The following ZNF716 variants were observed in gnomAD, a reference collection of about 807,000 sequenced individuals.
ZNF716 encodes zinc finger protein 716.
ZNF716 carries 9 observed loss-of-function variants against 13.4 expected under a neutral mutation model. The ratio of observed to expected loss-of-function variants is 0.67; its 90% CI spans 0.41 to 1.18. The LOEUF (loss-of-function observed/expected upper bound fraction) is 1.18. ZNF716 is among the 50% of genes most tolerant of loss of function. The pLI, the probability that ZNF716 is intolerant of heterozygous loss-of-function variation, is 0.01. For synonymous variants in ZNF716, 186 were observed against 195.2 expected, an observed-to-expected ratio of 0.95 and a Z score of 0.39; for missense variants, 581 against 576.6, an observed-to-expected ratio of 1.01 and a Z score of -0.08.
chr7:57,469,704 A>T lies in ZNF716; in HGVS notation c.1243A>T (p.Lys415Ter). The change falls in exon 4 of 4, where the codon AAA becomes TAA. Residue 415 changes from lysine to a stop codon, truncating the protein, a stop_gained. Coordinates refer to ENST00000420713, the MANE Select transcript of ZNF716 (RefSeq NM_001159279.1). LOFTEE classifies it low-confidence loss of function (END_TRUNC). ...EKPYKCEECG[K>*]AFNCSSTLKK... is the part of the protein sequence containing the mutation. The stretch of plus-strand genomic sequence containing the variant: ...ACCCTACAAATGTGAAGAATGTGGC[A>T]AAGCCTTTAACTGCTCCTCAACCCT... The T allele has an allele frequency of 6.2e-7, 1 of 1,611,482 alleles. No individual in the cohort carries two copies. The highest frequency in any genetic ancestry group is 8.5e-7 in the Non-Finnish European group (1 of 1,178,024).
chr7:57,469,567 C>T lies in ZNF716; in HGVS notation c.1106C>T (p.Thr369Ile). The T allele has an allele frequency of 1.9e-6, 3 of 1,605,988 alleles. No individual in the cohort carries two copies. Among genetic ancestry groups the T allele is most frequent in the Non-Finnish European group, 2.5e-6 (3 of 1,177,524 alleles). ...KAFTFSSTLN[T>I]HKRIHTGEKP... ...TTTACCTTCTCCTCAACTCTAAATACTCATAAGAGGATTCATACTGGAGAG... is the reference window on the plus strand; with the variant it reads ...TTTACCTTCTCCTCAACTCTAAATATTCATAAGAGGATTCATACTGGAGAG... The change falls in exon 4 of 4, where the codon ACT (threonine) becomes ATT (isoleucine). Residue 369 changes from threonine (T) to isoleucine (I), a missense_variant. Coordinates refer to ENST00000420713, the MANE Select transcript of ZNF716 (RefSeq NM_001159279.1).
Position 57,469,552 on chromosome 7 carries a change from C to T in ZNF716, c.1091C>T (p.Ser364Phe). The change falls in exon 4 of 4, where the codon TCC becomes TTC. Residue 364 changes from serine (S) to phenylalanine (F), a missense_variant. Transcript: ENST00000420713. Reference protein sequence around the residue: ...CEECGKAFTFSSTLNTHKRIH... With the variant: ...CEECGKAFTFFSTLNTHKRIH... ...GAATGTGGGAAAGCCTTTACCTTCT[C>T]CTCAACTCTAAATACTCATAAGAGG... 1 of 1,611,152 alleles carries T rather than the reference C, an allele frequency of 6.2e-7. No homozygotes were observed. Among genetic ancestry groups the T allele is most frequent in the South Asian group, 1.1e-5 (1 of 90,884 alleles).
chr7:57,470,103 T>C lies in ZNF716; in HGVS notation c.*154T>C. On this transcript the variant is annotated 3_prime_UTR_variant, in exon 4 of 4. Transcript: ENST00000420713. ...TCATATTGGACAAAAGTCTTATAAA[T>C]GTAAAAAAAAAAGTAACAGCCTTTA... 3 of 767,746 alleles carry C rather than the reference T, an allele frequency of 3.9e-6. No homozygotes were observed. Among genetic ancestry groups the C allele is most frequent in the Middle Eastern group, 3.9e-4 (1 of 2,538 alleles). 47.6% of individuals were successfully genotyped at this position (767,746 alleles called of 1,614,324 possible). A position where few individuals can be genotyped will look rare whatever the true frequency, so the allele number is the denominator to read the frequency against.
rs782172633 is a variant in ZNF716 at position 57,450,242 on chromosome 7, G to A, written c.-47G>A. ...CACTGCTCTGCGTCCTCTGCTCCTGGAGGCCAAGCCTCTGTGGCCTTGTGT... is the reference window on the plus strand; with the variant it reads ...CACTGCTCTGCGTCCTCTGCTCCTGAAGGCCAAGCCTCTGTGGCCTTGTGT... On this transcript the variant is annotated 5_prime_UTR_variant, in exon 1 of 4. Coordinates refer to ENST00000420713, the MANE Select transcript of ZNF716 (RefSeq NM_001159279.1). 8.7e-6 allele frequency: 14 copies of A among 1,612,974 alleles called. No individual in the cohort carries two copies. Among genetic ancestry groups the A allele is most frequent in the Non-Finnish European group, 1.1e-5 (13 of 1,179,390 alleles).
Position 57,470,962 on chromosome 7 carries a change from C to G in ZNF716, c.*1013C>G, listed in dbSNP as rs782595152. The G allele has an allele frequency of 1.3e-5, 2 of 152,094 alleles. No homozygotes were observed. Among genetic ancestry groups the G allele is most frequent in the Non-Finnish European group, 2.9e-5 (2 of 68,042 alleles). The allele number at this position is 152,094 out of a possible 1,614,324, so 9.4% of individuals were successfully genotyped here. ...AAGATAATTTATACTGAAGAAAACT[C>G]AGGCAAATATGAAAAATGTGGCAAA... is the stretch of plus-strand genomic sequence containing the variant. On this transcript the variant is annotated 3_prime_UTR_variant, in exon 4 of 4. Transcript: ENST00000420713.
rs1330751083 is a variant in ZNF716, at chr7:57,470,048, G to A, written c.*99G>A. 11 of 1,161,902 alleles carry A rather than the reference G, an allele frequency of 9.5e-6. No individual in the cohort carries two copies. The African/African-American group carries it at 1.1e-4, about 12-fold the overall frequency. The allele number at this position is 1,161,902 out of a possible 1,614,324, so 72.0% of individuals were successfully genotyped here. ...GAGAATGTGGCCAATTCTTTAACCAGTTCCAAACCACTGCTGTCCATAAGA... is the reference window on the plus strand; with the variant it reads ...GAGAATGTGGCCAATTCTTTAACCAATTCCAAACCACTGCTGTCCATAAGA... On this transcript the variant is annotated 3_prime_UTR_variant, in exon 4 of 4. Transcript: ENST00000420713.
intron 3 of ZNF716, 77 bp from the exon 4 acceptor site, chr7:57,468,647 T>A: frequency 7.1e-7 from 1 of 1,418,032 alleles, no homozygotes; most frequent in East Asian, 2.4e-5. Context: ...CTTTGTATAA[T>A]TTTATATATT....
intron 3 of ZNF716, among the ~76,000 whole-genome samples, chr7:57,465,064 A>C (rs1460819350): frequency 6.6e-6 from 1 of 152,202 alleles, no homozygotes; most frequent in African/African-American, 2.4e-5. Context: ...ATAAAATTTA[A>C]AAATGTTAAA....
chr7:57,461,600 C>T (rs1789708943), intron 1 of ZNF716, among the ~76,000 whole-genome samples: 2 of 152,088 alleles, frequency 1.3e-5, no homozygotes, highest in African/African-American at 4.8e-5. Flanking sequence ...GCTTTATTTA[C>T]AGGTGAGAGA....
chr7:57,460,869 C>G (rs1223326843), intron 1 of ZNF716, among the ~76,000 whole-genome samples: 1 of 152,154 alleles, frequency 6.6e-6, no homozygotes, highest in African/African-American at 2.4e-5. Flanking sequence ...TTAGGAGATA[C>G]TTGCTCTCCA....
At chr7:57,451,594 C>T (rs1339959202) in intron 1 of ZNF716, among the ~76,000 whole-genome samples, 3 of 147,148 alleles carry the variant, frequency 2.0e-5, no homozygotes, top group African/African-American at 7.6e-5. Context: ...ATTACATGCA[C>T]CCGCCACCAT....
chr7:57,450,358 G>A (rs1184919843), intron 1 of ZNF716, 31 bp downstream of exon 1: 8 of 1,613,910 alleles, frequency 5.0e-6, no homozygotes, highest in Non-Finnish European at 6.8e-6. Flanking sequence ...CGTGAGAGAG[G>A]GGTGGGGGCT....
intron 1 of ZNF716, among the ~76,000 whole-genome samples, chr7:57,458,481 G>A (rs1248626334): frequency 2.0e-5 from 3 of 151,182 alleles, no homozygotes; most frequent in African/African-American, 7.3e-5. Flanking sequence ...GGAGTACAGT[G>A]GCACGATCTT....
intron 1 of ZNF716, among the ~76,000 whole-genome samples, chr7:57,451,752 T>C (rs560490331): frequency 6.9e-6 from 1 of 145,604 alleles, no homozygotes; most frequent in Admixed American, 7.0e-5. Flanking sequence ...CCAGCCTGCG[T>C]TTTTCAACTC....
chr7:57,460,146 G>A lies in ZNF716; in HGVS notation c.40-2314G>A, dbSNP rs189570135. Among the ~76,000 whole-genome samples, 1,387 of 152,186 alleles carry A rather than the reference G, an allele frequency of 9.1e-3. 8 individuals are homozygous for A. Among genetic ancestry groups the A allele is most frequent in the Admixed American group, 0.015 (226 of 15,272 alleles). ...CTCACGCCTGTAATCCGAGCACTTA[G>A]GGAGGCCAAGGCGGGCAGATCATGA... On this transcript the variant is annotated intron_variant, in intron 1 of 3. Transcript: ENST00000420713.
At chr7:57,467,538 G>GTT (rs11413790) in intron 3 of ZNF716, among the ~76,000 whole-genome samples, 1 of 151,578 alleles carries the variant, frequency 6.6e-6, no homozygotes. Flanking sequence ...CATTTTGCAC[G>GTT]TTTTTTTCTG....
rs781912971 is a variant in ZNF716 at position 57,469,202 on chromosome 7, C to T, written c.741C>T (p.Gly247=). The part of the protein sequence containing the change: ...GEKPYRCEEC[G]KAFSWSASLT... ...AACCCTACAGATGTGAGGAATGTGG[C>T]AAAGCTTTTAGCTGGTCTGCATCCC... The change falls in exon 4 of 4, where the codon GGC becomes GGT. Residue 247 remains glycine (G), a synonymous_variant. Transcript: ENST00000420713. The T allele has an allele frequency of 1.7e-5, 27 of 1,612,514 alleles. No homozygotes were observed. In the South Asian group the frequency reaches 2.5e-4, roughly 15 times the overall value.
intron 1 of ZNF716, among the ~76,000 whole-genome samples, chr7:57,452,862 G>A (rs782470075): frequency 1.5e-4 from 23 of 152,026 alleles, no homozygotes; most frequent in African/African-American, 1.9e-4. Flanking sequence ...TACTGTGGCC[G>A]TGTCTGCTGG....
Position 57,466,625 on chromosome 7 carries a change from G to A in ZNF716, c.263-2099G>A, listed in dbSNP as rs141610425. On this transcript the variant is annotated intron_variant, in intron 3 of 3. Transcript: ENST00000420713. ...CATATCCTCACCAGAAGCAGATGCT[G>A]GCATATACTTCTTGTATACTCTACT... Among the ~76,000 whole-genome samples, 461 of 152,116 alleles carry A rather than the reference G, an allele frequency of 3.0e-3. 4 individuals carry two copies. The highest frequency in any genetic ancestry group is 0.011 in the African/African-American group (439 of 41,504).
Sources: gnomAD v4.1 joint callset for allele counts (sites outside exome capture counted in the v4.1 genomes callset) on GRCh38, gnomAD v4.1.1 for gene constraint, MANE v1.5 for transcripts, NCBI Gene and HGNC (gene_info 2026-07-23, HGNC 2026-07-21) for gene names.